FHIP1A: variants seen among roughly 807,000 people sequenced by gnomAD.
FHIP1A encodes the protein FHF complex subunit HOOK interacting protein 1A, also known as FHF complex subunit HOOK-interacting protein 1A.
FHIP1A carries 61 observed loss-of-function variants against 88.6 expected under a neutral mutation model. The ratio of observed to expected loss-of-function variants is 0.69; its 90% CI spans 0.56 to 0.85. The LOEUF (loss-of-function observed/expected upper bound fraction) is 0.85. FHIP1A is among the 40% of genes least tolerant of loss of function. The pLI, the probability that FHIP1A is intolerant of heterozygous loss-of-function variation, is 0.00. For synonymous variants in FHIP1A, 478 were observed against 496.0 expected (o/e 0.96, Z 0.48); for missense variants, 1,154 against 1,273.5 (o/e 0.91, Z 1.43).
chr4:151,615,262 G>A (rs1735479021), intron 7 of FHIP1A, among the ~76,000 whole-genome samples: 1 of 152,166 alleles, frequency 6.6e-6, no homozygotes, highest in Non-Finnish European at 1.5e-5. Context: ...TAGAATTCTT[G>A]TAAAAACCAT....
At chr4:151,416,421 A>G (rs1202857635) in intron 1 of FHIP1A, among the ~76,000 whole-genome samples, 1 of 152,176 alleles carries the variant, frequency 6.6e-6, no homozygotes, top group Non-Finnish European at 1.5e-5. Context: ...TCTTTATAAT[A>G]TACTAGAATG....
At chr4:151,542,380 A>G (rs1051513007) in intron 3 of FHIP1A, among the ~76,000 whole-genome samples, 23 of 152,138 alleles carry the variant, frequency 1.5e-4, no homozygotes, top group African/African-American at 5.3e-4. Context: ...TTTTATTCCC[A>G]GTATTAAGTA....
At chr4:151,508,726 T>A (rs952889000) in intron 3 of FHIP1A, among the ~76,000 whole-genome samples, 3 of 152,174 alleles carry the variant, frequency 2.0e-5, no homozygotes, top group African/African-American at 7.2e-5. Context: ...ACCCACTGAG[T>A]CCTGGAACCA....
At chr4:151,540,421 A>C (rs927737911) in intron 3 of FHIP1A, among the ~76,000 whole-genome samples, 1 of 152,202 alleles carries the variant, frequency 6.6e-6, no homozygotes, top group Non-Finnish European at 1.5e-5. Context: ...TTCACTTTAT[A>C]CCTTAGTTCT....
chr4:151,586,868 A>T, intron 6 of FHIP1A, 69 bp downstream of exon 6: 1 of 1,165,950 alleles, frequency 8.6e-7, no homozygotes. Flanking sequence ...CAAAGGATTA[A>T]TTTTAAAACG....
rs944595965 is a variant in FHIP1A at position 151,668,160 on chromosome 4, C to G, written c.*5406C>G. ...AGGGTCAGCTCTATTTGCAAATAAT[C>G]CATGAATATGTTTGTCTAAAACCTG... is the stretch of plus-strand genomic sequence containing the variant. On this transcript the variant is annotated 3_prime_UTR_variant, in exon 14 of 14. Transcript: ENST00000435205. 3.3e-5 allele frequency among the ~76,000 whole-genome samples: 5 copies of G among 152,144 alleles called. No homozygotes were observed. Among genetic ancestry groups the G allele is most frequent in the African/African-American group, 1.2e-4 (5 of 41,428 alleles).
intron 1 of FHIP1A, among the ~76,000 whole-genome samples, chr4:151,436,759 A>AT (rs1276367305): frequency 1.3e-5 from 2 of 152,104 alleles, no homozygotes; most frequent in East Asian, 1.9e-4. Flanking sequence ...ATCAAATAAG[A>AT]TTTTTTTTGG....
chr4:151,513,276 T>C (rs1444592974), intron 3 of FHIP1A, among the ~76,000 whole-genome samples: 2 of 152,144 alleles, frequency 1.3e-5, no homozygotes, highest in Admixed American at 6.5e-5. Context: ...ACCACCAGGC[T>C]TGCCCTAAAA....
At position 151,664,500 on chromosome 4, in the gene FHIP1A, C is replaced by T. The variant is rs1179598136; in HGVS notation, c.*1746C>T. Reference sequence around the variant, plus strand: ...AAGCAAGACACCAAAGATTCCTACTCACTGTACATTTCTGTTTGTCTTGAC... The same window carrying T: ...AAGCAAGACACCAAAGATTCCTACTTACTGTACATTTCTGTTTGTCTTGAC... On this transcript the variant is annotated 3_prime_UTR_variant, in exon 14 of 14. Coordinates refer to ENST00000435205, the MANE Select transcript of FHIP1A (RefSeq NM_001109977.3). Among the ~76,000 whole-genome samples, 6 of 152,244 alleles carry T rather than the reference C, an allele frequency of 3.9e-5. No individual in the cohort carries two copies. Among genetic ancestry groups the T allele is most frequent in the Non-Finnish European group, 8.8e-5 (6 of 68,042 alleles).
intron 5 of FHIP1A, among the ~76,000 whole-genome samples, chr4:151,586,294 T>A (rs1425557597): frequency 6.6e-6 from 1 of 152,196 alleles, no homozygotes; most frequent in East Asian, 1.9e-4. Context: ...GTTCCTCTCC[T>A]GAACTTCTTG....
Position 151,656,108 on chromosome 4 carries a change from T to C in FHIP1A, c.2552-124T>C, listed in dbSNP as rs938703846. ...GGAGAAAACGTGGCCATATTTGCTGTGTCTGGCTTGCACCTGTGGGCCCAT... is the reference window on the plus strand; with the variant it reads ...GGAGAAAACGTGGCCATATTTGCTGCGTCTGGCTTGCACCTGTGGGCCCAT... On this transcript the variant is annotated intron_variant, in intron 11 of 13. Transcript: ENST00000435205. This position sits in a 1 kb window ranked among gnomAD's most constrained non-coding sequence, Gnocchi z 4.2. 1.8e-5 allele frequency: 12 copies of C among 680,520 alleles called. No individual in the cohort carries two copies. The highest frequency in any genetic ancestry group is 2.9e-5 in the Non-Finnish European group (12 of 418,638). The allele number at this position is 680,520 out of a possible 1,614,324, so 42.2% of individuals were successfully genotyped here.
intron 8 of FHIP1A, among the ~76,000 whole-genome samples, chr4:151,630,126 T>C (rs947619305): frequency 7.2e-5 from 11 of 152,188 alleles, no homozygotes; most frequent in Non-Finnish European, 1.6e-4. Flanking sequence ...TCGCTATTTC[T>C]CTGTTTTAGC....
At chr4:151,660,019 G>C (rs1308314977) in intron 13 of FHIP1A, among the ~76,000 whole-genome samples, 1 of 152,198 alleles carries the variant, frequency 6.6e-6, no homozygotes, top group African/African-American at 2.4e-5. Context: ...ACTGGGCACT[G>C]ATTCTAGAAG....
At chr4:151,609,493 A>G (rs1255427899) in intron 7 of FHIP1A, among the ~76,000 whole-genome samples, 1 of 152,234 alleles carries the variant, frequency 6.6e-6, no homozygotes, top group African/African-American at 2.4e-5. Flanking sequence ...CCAACTGTAG[A>G]ACATAAAGAA....
At chr4:151,418,453 G>T (rs1245427862) in intron 1 of FHIP1A, among the ~76,000 whole-genome samples, 1 of 151,874 alleles carries the variant, frequency 6.6e-6, no homozygotes, top group Admixed American at 6.6e-5. Context: ...TGTTTTTTTT[G>T]TCCTTAAAGT....
At chr4:151,526,129 C>A (rs1560748460) in intron 3 of FHIP1A, among the ~76,000 whole-genome samples, 4 of 152,228 alleles carry the variant, frequency 2.6e-5, no homozygotes, top group Non-Finnish European at 5.9e-5. Context: ...TAGTACAGAA[C>A]AAAATGAAAA....
At chr4:151,471,858 A>G (rs2126618234) in intron 2 of FHIP1A, among the ~76,000 whole-genome samples, 1 of 152,268 alleles carries the variant, frequency 6.6e-6, no homozygotes, top group East Asian at 1.9e-4. Context: ...ATGATTGAGA[A>G]CATACAATGT....
intron 9 of FHIP1A, among the ~76,000 whole-genome samples, chr4:151,643,407 G>A (rs966253417): frequency 1.3e-5 from 2 of 152,082 alleles, no homozygotes; most frequent in African/African-American, 4.8e-5. Context: ...TAATCAAATC[G>A]GGATCATTAG....
chr4:151,496,832 G>C lies in FHIP1A; in HGVS notation c.-123+14184G>C, dbSNP rs528524351. Among the ~76,000 whole-genome samples, 207 of 150,694 alleles carry C rather than the reference G, an allele frequency of 1.4e-3. 2 individuals carry two copies. Among genetic ancestry groups the C allele is most frequent in the Middle Eastern group, 6.9e-3 (2 of 288 alleles). On this transcript the variant is annotated intron_variant, in intron 3 of 13. Transcript: ENST00000435205. ...CCACTTTGTCCTCCCAAAGTGCTGG[G>C]ATTACAGGTGTGAGCCACTGCCCTT...
Sources: allele counts gnomAD v4.1 joint callset (sites outside exome capture counted in the v4.1 genomes callset), GRCh38; gene constraint gnomAD v4.1.1; non-coding constraint Gnocchi (gnomAD v3.1); transcripts MANE v1.5; gene names NCBI Gene and HGNC (gene_info 2026-07-23, HGNC 2026-07-21).